WDFY4: variants seen among roughly 807,000 people sequenced by gnomAD.
WDFY4 encodes WDFY family member 4.
Under a neutral mutation model 351.9 loss-of-function variants are expected in WDFY4, and 169 were observed. The observed-to-expected ratio is 0.48, with a 90% CI of 0.42 to 0.55. The LOEUF (loss-of-function observed/expected upper bound fraction) is 0.55. Ranked by LOEUF, WDFY4 falls within the 20% of genes least tolerant of loss-of-function variation. The probability of loss-of-function intolerance (pLI) is 0.00; values close to 1 mark genes in which losing one functional copy is unlikely to be tolerated. For missense variants in WDFY4, 3,803 were observed against 3,935.6 expected, an observed-to-expected ratio of 0.97 and a Z score of 0.90; for synonymous variants, 1,622 against 1,574.6, an observed-to-expected ratio of 1.03 and a Z score of -0.71.
intron 36 of WDFY4, among the ~76,000 whole-genome samples, chr10:48,828,386 C>T (rs2068074968): frequency 6.6e-6 from 1 of 152,188 alleles, no homozygotes; most frequent in Non-Finnish European, 1.5e-5. Flanking sequence ...AGGTTGCACG[C>T]CCATGAAGCC....
At chr10:48,833,174 A>T (rs2940715) in intron 39 of WDFY4, among the ~76,000 whole-genome samples, 13,864 of 116,598 alleles carry the variant, frequency 0.12, 956 homozygotes, top group African/African-American at 0.27. Flanking sequence ...TGTGTGTGTG[A>T]GAGAGAGAGA....
chr10:48,780,879 T>C (rs1170869322), intron 19 of WDFY4, among the ~76,000 whole-genome samples: 2 of 152,212 alleles, frequency 1.3e-5, no homozygotes, highest in African/African-American at 4.8e-5. Context: ...AATAATTACA[T>C]CAGAATCTCT....
chr10:48,817,673 A>T (rs2067669300), intron 32 of WDFY4, among the ~76,000 whole-genome samples: 1 of 152,206 alleles, frequency 6.6e-6, no homozygotes, highest in Non-Finnish European at 1.5e-5. Context: ...GATAAAGTCC[A>T]TTGTCTGTGG....
At chr10:48,734,258 TG>T (rs2064568616) in intron 10 of WDFY4, among the ~76,000 whole-genome samples, 1 of 152,188 alleles carries the variant, frequency 6.6e-6, no homozygotes, top group African/African-American at 2.4e-5. Context: ...TAAATAAAGT[TG>T]GTGACAAAAA....
intron 39 of WDFY4, among the ~76,000 whole-genome samples, chr10:48,860,272 A>G (rs2069288426): frequency 6.6e-6 from 1 of 152,044 alleles, no homozygotes; most frequent in South Asian, 2.1e-4. Context: ...TTATTTGAGA[A>G]TTTGTCTTAT....
chr10:48,722,504 G>C (rs916744866), intron 4 of WDFY4, among the ~76,000 whole-genome samples: 1 of 152,208 alleles, frequency 6.6e-6, no homozygotes, highest in Non-Finnish European at 1.5e-5. Flanking sequence ...AGGACCAGCA[G>C]CCTGCATCTA....
At chr10:48,980,487 C>A (rs1842763620) in intron 60 of WDFY4, among the ~76,000 whole-genome samples, 1 of 152,188 alleles carries the variant, frequency 6.6e-6, no homozygotes, top group Non-Finnish European at 1.5e-5. Flanking sequence ...GCTTGGAATT[C>A]ATTTATTTGC....
intron 46 of WDFY4, 112 bp from the exon 47 acceptor site, chr10:48,901,689 C>T (rs1056455621): frequency 3.7e-5 from 43 of 1,173,058 alleles, no homozygotes; most frequent in Middle Eastern, 2.0e-4. Context: ...CAGGATGGAG[C>T]GAGGGGGAGC....
chr10:48,731,410 GC>G lies in WDFY4; in HGVS notation c.1433del (p.Pro478LeufsTer47). ...LRKVQHLIKE[S>X]PGPSCTLMAL... ...AAGGTACAGCATCTGATCAAGGAGA[GC>G]CCTGGGCCATCCTGCACCCTCATGG... On this transcript the variant is annotated frameshift_variant, in exon 9 of 62. Transcript: ENST00000325239. LOFTEE classifies it high-confidence loss of function. The G allele has an allele frequency of 6.4e-7, 1 of 1,551,752 alleles. No individual in the cohort carries two copies. Among genetic ancestry groups the G allele is most frequent in the Non-Finnish European group, 8.7e-7 (1 of 1,147,022 alleles).
chr10:48,745,211 G>T (rs148792313), intron 12 of WDFY4, among the ~76,000 whole-genome samples: 1 of 152,016 alleles, frequency 6.6e-6, no homozygotes. Context: ...TTTGAATTTT[G>T]AATTTCCATT....
At chr10:48,745,564 G>C (rs1164243352) in intron 12 of WDFY4, 1 of 472,468 alleles carries the variant, frequency 2.1e-6, no homozygotes, top group Non-Finnish European at 4.0e-6. Flanking sequence ...GAGGGCCTCT[G>C]TGTATTTGTC....
At chr10:48,817,755 G>A (rs928689661) in intron 32 of WDFY4, among the ~76,000 whole-genome samples, 11 of 152,228 alleles carry the variant, frequency 7.2e-5, no homozygotes, top group African/African-American at 2.4e-4. Flanking sequence ...ACCACATGGG[G>A]GAGGGCAGTC....
In WDFY4 at chr10:48,762,813, C is replaced by G. The variant is rs145941652; in HGVS notation, c.2553+2373C>G. On this transcript the variant is annotated intron_variant, in intron 13 of 61. Transcript: ENST00000325239. ...CTCCGGGCCCCCACAGGCACAAAAG[C>G]AGAAGCTGCCAGGCCTGCCAAGGAC... Among the ~76,000 whole-genome samples the G allele has an allele frequency of 4.0e-3, 614 of 152,332 alleles. 2 individuals carry two copies. Among genetic ancestry groups the G allele is most frequent in the African/African-American group, 0.014 (571 of 41,572 alleles).
At position 48,963,893 on chromosome 10, in the gene WDFY4, A is replaced by C. The variant is rs1313845838; in HGVS notation, c.8275A>C (p.Ile2759Leu). Reference protein sequence around the residue: ...SANLHHWIDLIFGYKQQGPAA... With the variant: ...SANLHHWIDLLFGYKQQGPAA... Reference sequence around the variant, plus strand: ...CAACCTCCACCATTGGATAGACCTTATTTTTGGGTACAAGCAGCAGGGGCC... The same window carrying C: ...CAACCTCCACCATTGGATAGACCTTCTTTTTGGGTACAAGCAGCAGGGGCC... Residue 2759 changes from isoleucine to leucine, a missense_variant, in exon 54 of 62, where the codon ATT becomes CTT. Physicochemically the swap from Ile to Leu is conservative, Grantham distance 5. Around this residue, in one of 3 missense-constraint regions of WDFY4, gnomAD observed 3,054 missense variants for 3,148.6 expected, o/e 0.97. Transcript: ENST00000325239. 4 of 1,551,330 alleles carry C rather than the reference A, an allele frequency of 2.6e-6. No individual in the cohort carries two copies. Among genetic ancestry groups the C allele is most frequent in the Non-Finnish European group, 3.5e-6 (4 of 1,146,976 alleles).
chr10:48,805,909 G>A (rs2067237470), intron 26 of WDFY4, 95 bp from the exon 27 acceptor site: 1 of 974,120 alleles, frequency 1.0e-6, no homozygotes, highest in Non-Finnish European at 1.6e-6. Context: ...ACTTGCAGCT[G>A]CACGTGGGTG....
chr10:48,777,317 G>C, intron 16 of WDFY4, 102 bp from the exon 17 acceptor site: 1 of 1,127,472 alleles, frequency 8.9e-7, no homozygotes, highest in Non-Finnish European at 1.3e-6. Flanking sequence ...TTACAGTGCC[G>C]GCAGGAGGGT....
chr10:48,864,656 G>C (rs12780156), intron 39 of WDFY4, among the ~76,000 whole-genome samples: 15,018 of 152,182 alleles, frequency 0.099, 927 homozygotes, highest in Middle Eastern at 0.21. Flanking sequence ...TGTTAATTCT[G>C]TAGATTATGT....
chr10:48,847,933 C>A (rs2068832106), intron 39 of WDFY4, among the ~76,000 whole-genome samples: 1 of 152,204 alleles, frequency 6.6e-6, no homozygotes, highest in Admixed American at 6.5e-5. Flanking sequence ...TCTGGTCCCT[C>A]TTCACCCGCT....
At chr10:48,694,357 A>C (rs4012685) in intron 1 of WDFY4, among the ~76,000 whole-genome samples, 1 of 151,484 alleles carries the variant, frequency 6.6e-6, no homozygotes, top group Admixed American at 6.6e-5. Flanking sequence ...CTGTGGCTTT[A>C]TTTCTTTCTC....
Sources: allele counts gnomAD v4.1 joint callset (sites outside exome capture counted in the v4.1 genomes callset), GRCh38; gene constraint gnomAD v4.1.1; regional missense constraint gnomAD v4.1.1; transcripts MANE v1.5; gene names NCBI Gene and HGNC (gene_info 2026-07-23, HGNC 2026-07-21).